The following NID2 variants were observed in gnomAD, a reference collection of about 807,000 sequenced individuals.
The protein encoded by NID2 is nidogen-2.
A neutral mutation model predicts 145.4 loss-of-function variants in NID2; 83 were observed. The ratio of observed to expected loss-of-function variants is 0.57; its 90% CI spans 0.48 to 0.69. NID2 has a LOEUF of 0.69. Among genes scored for constraint, NID2 ranks in the 30% least tolerant of loss-of-function variants. NID2 has a pLI of 0.00. For missense variants in NID2, 1,807 were observed against 1,765.7 expected (o/e 1.02, Z -0.42); for synonymous variants, 739 against 701.3 (o/e 1.05, Z -0.85).
intron 19 of NID2, 167 bp downstream of exon 19, chr14:52,007,643 T>TC: frequency 1.5e-6 from 1 of 670,578 alleles, no homozygotes; most frequent in Non-Finnish European, 2.6e-6. Flanking sequence ...CCCAGAAAGT[T>TC]CATTTTAAGA....
Position 52,007,942 on chromosome 14 carries a change from T to C in NID2, c.3748A>G (p.Arg1250Gly). 2 of 1,613,364 alleles carry C rather than the reference T, an allele frequency of 1.2e-6. No individual in the cohort carries two copies. The highest frequency in any genetic ancestry group is 1.7e-6 in the Non-Finnish European group (2 of 1,179,780). ...GACGTTTCAATTTTAGGAGCTTCTC[T>C]ATTCCAGTCTGTCCAGTACAAGTTG... Reference protein sequence around the residue: ...RGNLYWTDWNREAPKIETSSL... With the variant: ...RGNLYWTDWNGEAPKIETSSL... Residue 1250 changes from arginine to glycine, a missense_variant, in exon 19 of 22, where the codon AGA (arginine) becomes GGA (glycine). Coordinates refer to ENST00000216286, the MANE Select transcript of NID2 (RefSeq NM_007361.4).
At chr14:52,039,877 T>A (rs1353728029) in intron 8 of NID2, among the ~76,000 whole-genome samples, 1 of 152,252 alleles carries the variant, frequency 6.6e-6, no homozygotes, top group Non-Finnish European at 1.5e-5. Context: ...GTCCAGGATA[T>A]AAATTCTTAT....
At chr14:52,035,856 G>GTATATATATATGTATATATATA (rs1555364239) in intron 9 of NID2, among the ~76,000 whole-genome samples, 1 of 65,284 alleles carries the variant, frequency 1.5e-5, no homozygotes, top group African/African-American at 4.7e-5. Context: ...ATTTTTTTGT[G>GTATATATATATGTATATATATA]TATATATATA....
intron 5 of NID2, among the ~76,000 whole-genome samples, chr14:52,050,083 A>T (rs1278927405): frequency 6.6e-6 from 1 of 152,222 alleles, no homozygotes; most frequent in Non-Finnish European, 1.5e-5. Flanking sequence ...TCTGAAAGCC[A>T]GGTGTCCTTC....
intron 6 of NID2, 59 bp downstream of exon 6, chr14:52,042,723 C>G (rs976834847): frequency 3.8e-6 from 6 of 1,565,370 alleles, no homozygotes; most frequent in Admixed American, 3.4e-5. Context: ...ACAGTGGTAG[C>G]TGGAAACAGG....
chr14:52,006,153 T>A (rs1296495019), intron 20 of NID2: 1 of 410,606 alleles, frequency 2.4e-6, no homozygotes, highest in Non-Finnish European at 4.5e-6. Context: ...TATTTTTCGG[T>A]CCCTCAGACA....
Position 52,068,041 on chromosome 14 carries a change from G to A in NID2, c.351C>T (p.His117=), listed in dbSNP as rs773836821. The change falls in exon 2 of 22, where the codon CAC becomes CAT. Residue 117 remains histidine (H), a synonymous_variant. Coordinates refer to ENST00000216286, the MANE Select transcript of NID2 (RefSeq NM_007361.4). ...APFLADIDTS[H]GRGRVLYRED... ...CTCGGTACAGGACTCGGCCTCTGCC[G>A]TGGCTCGTGTCGATGTCCGCCAGAA... 1 of 1,613,684 alleles carries A rather than the reference G, an allele frequency of 6.2e-7. No homozygotes were observed. Among genetic ancestry groups the A allele is most frequent in the Non-Finnish European group, 8.5e-7 (1 of 1,179,902 alleles).
chr14:52,032,052 C>T (rs1357011862), intron 9 of NID2, among the ~76,000 whole-genome samples: 8 of 152,328 alleles, frequency 5.3e-5, no homozygotes, highest in East Asian at 3.9e-4. Context: ...CATTCTCCCC[C>T]GTGCCTGCCC....
Position 52,033,388 on chromosome 14 carries a change from AC to A in NID2, c.2258-3699del, listed in dbSNP as rs1455849559. ...TTTTTGGATCGTGTTTTATGACCCC[AC>A]AAAACAACCAACCAACCAACAACAA... On this transcript the variant is annotated intron_variant, in intron 9 of 21. Coordinates refer to ENST00000216286, the MANE Select transcript of NID2 (RefSeq NM_007361.4). Among the ~76,000 whole-genome samples the A allele has an allele frequency of 3.1e-4, 47 of 152,292 alleles. 1 individual carries two copies. Among genetic ancestry groups the A allele is most frequent in the African/African-American group, 1.0e-3 (43 of 41,564 alleles).
chr14:52,063,274 G>A (rs1274589527), intron 2 of NID2, among the ~76,000 whole-genome samples: 1 of 152,178 alleles, frequency 6.6e-6, no homozygotes, highest in Admixed American at 6.5e-5. Flanking sequence ...CCTGACAAAC[G>A]AGTCACTGGT....
At position 52,030,481 on chromosome 14, in the gene NID2, A is replaced by AAAAG. The variant is rs1555363675; in HGVS notation, c.2258-795_2258-792dup. Reference sequence around the variant, plus strand: ...GCCAAGACCTTATCTCGAGAGAAAGAAAAGAAAGAAAGAAAGAAAGAGAAA... The same window carrying AAAAG: ...GCCAAGACCTTATCTCGAGAGAAAGAAAAGAAAGAAAGAAAGAAAGAAAGAGAAA... On this transcript the variant is annotated intron_variant, in intron 9 of 21. Coordinates refer to ENST00000216286, the MANE Select transcript of NID2 (RefSeq NM_007361.4). Among the ~76,000 whole-genome samples the AAAAG allele has an allele frequency of 1.2e-4, 14 of 115,298 alleles. 1 individual carries two copies. Among genetic ancestry groups the AAAAG allele is most frequent in the African/African-American group, 4.2e-4 (13 of 31,118 alleles). 75.6% of individuals were successfully genotyped at this position (115,298 alleles called of 152,430 possible). A position where few individuals can be genotyped will look rare whatever the true frequency, so the allele number is the denominator to read the frequency against.
intron 9 of NID2, among the ~76,000 whole-genome samples, chr14:52,030,083 A>T (rs921698210): frequency 5.9e-5 from 9 of 152,180 alleles, no homozygotes; most frequent in Non-Finnish European, 1.3e-4. Flanking sequence ...GACATGGGAA[A>T]AATTGCCCAA....
At position 52,038,908 on chromosome 14, in the gene NID2, C is replaced by G; in HGVS notation, c.2096G>C (p.Arg699Pro). ...FGAINQTWSY[R>P]IHQNITYQVC... is the part of the protein sequence containing the mutation. ...CTGGTAAGTGATGTTCTGGTGGATG[C>G]GGTAGGACCATGTTTGGTTGATTGC... is the stretch of plus-strand genomic sequence containing the variant. The change falls in exon 9 of 22, where the codon CGC (arginine) becomes CCC (proline). Residue 699 changes from arginine to proline, a missense_variant. By Grantham distance (103) the Arg-to-Pro change is moderately radical. Coordinates refer to ENST00000216286, the MANE Select transcript of NID2 (RefSeq NM_007361.4). 6.2e-7 allele frequency: 1 copy of G among 1,614,064 alleles called. No homozygotes were observed. Among genetic ancestry groups the G allele is most frequent in the Non-Finnish European group, 8.5e-7 (1 of 1,180,004 alleles).
chr14:52,034,371 C>T (rs1231852272), intron 9 of NID2, among the ~76,000 whole-genome samples: 1 of 152,184 alleles, frequency 6.6e-6, no homozygotes, highest in Non-Finnish European at 1.5e-5. Flanking sequence ...CTGACCTGGA[C>T]ATTTAAAGGT....
At chr14:52,064,859 C>T (rs554975437) in intron 2 of NID2, among the ~76,000 whole-genome samples, 125 of 152,262 alleles carry the variant, frequency 8.2e-4, no homozygotes, top group African/African-American at 2.8e-3. Context: ...ACAAAACATT[C>T]CCCACATTAC....
intron 5 of NID2, among the ~76,000 whole-genome samples, chr14:52,044,917 C>G (rs1317421549): frequency 6.6e-6 from 1 of 152,156 alleles, no homozygotes; most frequent in African/African-American, 2.4e-5. Flanking sequence ...AGCCACCACT[C>G]TGGCCAGGGA....
At chr14:52,046,051 C>T (rs866270113) in intron 5 of NID2, among the ~76,000 whole-genome samples, 3 of 152,130 alleles carry the variant, frequency 2.0e-5, no homozygotes, top group Admixed American at 6.5e-5. Flanking sequence ...TGGCTGGGCC[C>T]GGCAGCTCAC....
At chr14:52,011,117 G>T in intron 17 of NID2, 70 bp from the exon 18 acceptor site, 1 of 1,510,926 alleles carries the variant, frequency 6.6e-7, no homozygotes, top group South Asian at 1.2e-5. Flanking sequence ...GCCCTCCAAC[G>T]GTCGGGTGGG....
At chr14:52,010,108 G>A (rs1326603104) in intron 18 of NID2, 2 of 152,230 alleles carry the variant, frequency 1.3e-5, no homozygotes, top group Non-Finnish European at 2.9e-5. Context: ...GAATAGAGAA[G>A]GATACAGGTA....
Sources: gnomAD v4.1 joint callset for allele counts (sites outside exome capture counted in the v4.1 genomes callset) on GRCh38, gnomAD v4.1.1 for gene constraint, MANE v1.5 for transcripts, NCBI Gene and HGNC (gene_info 2026-07-23, HGNC 2026-07-21) for gene names.